The following MAP3K20 variants were observed in gnomAD, a reference collection of about 807,000 sequenced individuals.
MAP3K20 encodes the protein HCCS-4.
A neutral mutation model predicts 85.7 loss-of-function variants in MAP3K20; 40 were observed. The observed-to-expected ratio is 0.47, with a 90% CI of 0.36 to 0.61. The LOEUF is 0.61. Among genes scored for constraint, MAP3K20 ranks in the 20% least tolerant of loss-of-function variants. The pLI is 0.00. For synonymous variants in MAP3K20, 325 were observed against 327.7 expected, an observed-to-expected ratio of 0.99 and a Z score of 0.09; for missense variants, 817 against 961.7, an observed-to-expected ratio of 0.85 and a Z score of 1.99.
intron 2 of MAP3K20, among the ~76,000 whole-genome samples, chr2:173,128,579 G>A (rs1380208457): frequency 2.0e-5 from 3 of 151,880 alleles, no homozygotes; most frequent in Non-Finnish European, 4.4e-5. Flanking sequence ...TGATCCACTC[G>A]CCTCAGGCCC....
chr2:173,123,330 C>A (rs1433097480), intron 2 of MAP3K20, among the ~76,000 whole-genome samples: 3 of 152,186 alleles, frequency 2.0e-5, no homozygotes, highest in Admixed American at 2.0e-4. Context: ...ACCATGGGTA[C>A]CTACCCCCAC....
At chr2:173,161,534 G>A (rs1689657949) in intron 2 of MAP3K20, among the ~76,000 whole-genome samples, 1 of 152,076 alleles carries the variant, frequency 6.6e-6, no homozygotes, top group South Asian at 2.1e-4. Context: ...TTAAATGTTA[G>A]TGCTTCCTAT....
chr2:173,103,189 G>A (rs990415521), intron 2 of MAP3K20, among the ~76,000 whole-genome samples: 1 of 152,196 alleles, frequency 6.6e-6, no homozygotes, highest in Admixed American at 6.5e-5. Context: ...GTGAAAGCGA[G>A]GGACTTTTTC....
At position 173,266,399 on chromosome 2, in the gene MAP3K20, T is replaced by A; in HGVS notation, c.2052T>A (p.Gly684=). ...GAAGCAGGAACAAATATGGACGTGGTAGTATATCACTCAATTCTTCTCCTA... is the reference window on the plus strand; with the variant it reads ...GAAGCAGGAACAAATATGGACGTGGAAGTATATCACTCAATTCTTCTCCTA... ...SDRSRNKYGR[G]SISLNSSPRG... is the part of the protein sequence containing the mutation. The change falls in exon 20 of 20, where the codon GGT becomes GGA. Residue 684 remains glycine (G), a synonymous_variant. Coordinates refer to ENST00000375213, the MANE Select transcript of MAP3K20 (RefSeq NM_016653.3). The A allele has an allele frequency of 6.2e-7, 1 of 1,614,124 alleles. No homozygotes were observed. The highest frequency in any genetic ancestry group is 8.5e-7 in the Non-Finnish European group (1 of 1,180,000).
intron 8 of MAP3K20, among the ~76,000 whole-genome samples, chr2:173,202,002 C>A (rs2043950): frequency 0.76 from 114,899 of 152,128 alleles, 43,661 homozygotes; most frequent in East Asian, 0.87. Flanking sequence ...TGTTGAGACA[C>A]AGTTGTACTG....
intron 3 of MAP3K20, among the ~76,000 whole-genome samples, chr2:173,174,161 C>T (rs1690087468): frequency 6.6e-6 from 1 of 152,124 alleles, no homozygotes; most frequent in African/African-American, 2.4e-5. Flanking sequence ...ATAATATTGC[C>T]TTTCTTGCAA....
At position 173,182,159 on chromosome 2, in the gene MAP3K20, A is replaced by T. The variant is rs1690350275; in HGVS notation, c.248-695A>T. On this transcript the variant is annotated intron_variant, in intron 3 of 19. Coordinates refer to ENST00000375213, the MANE Select transcript of MAP3K20 (RefSeq NM_016653.3). ...GAACAATTTGTATGATTCTGTTTAT[A>T]TGAACTATCCAGAAAAGGCACACTG... 3.3e-5 allele frequency among the ~76,000 whole-genome samples: 5 copies of T among 152,180 alleles called. No individual in the cohort carries two copies. In the South Asian group the frequency reaches 1.0e-3, roughly 32 times the overall value.
chr2:173,259,161 T>C (rs1385785794), intron 17 of MAP3K20, among the ~76,000 whole-genome samples: 1 of 152,220 alleles, frequency 6.6e-6, no homozygotes, highest in African/African-American at 2.4e-5. Context: ...ATTTAAACTT[T>C]GGAAAACTTT....
chr2:173,170,360 A>T (rs1053178580), intron 3 of MAP3K20, among the ~76,000 whole-genome samples: 1 of 152,198 alleles, frequency 6.6e-6, no homozygotes, highest in South Asian at 2.1e-4. Context: ...TAAGTTGGTA[A>T]TGACCTTGAT....
Position 173,268,013 on chromosome 2 carries a change from T to G in MAP3K20, c.*1263T>G, listed in dbSNP as rs1685460113. On this transcript the variant is annotated 3_prime_UTR_variant, in exon 20 of 20. Coordinates refer to ENST00000375213, the MANE Select transcript of MAP3K20 (RefSeq NM_016653.3). ...TCAATAAATGTTACTTTCAATATTC[T>G]GAGATTCTGTTCAGCATTCACTAAC... 1 of 152,236 alleles carries G rather than the reference T, an allele frequency of 6.6e-6. No individual in the cohort carries two copies. Among genetic ancestry groups the G allele is most frequent in the South Asian group, 2.1e-4 (1 of 4,834 alleles). 9.4% of individuals were successfully genotyped at this position (152,236 alleles called of 1,614,324 possible). A position where few individuals can be genotyped will look rare whatever the true frequency, so the allele number is the denominator to read the frequency against.
At chr2:173,077,328 T>G (rs1378679576) in intron 1 of MAP3K20, among the ~76,000 whole-genome samples, 1 of 151,138 alleles carries the variant, frequency 6.6e-6, no homozygotes, top group East Asian at 1.9e-4. Flanking sequence ...TAATGTCCTC[T>G]TTGTAGTAGG....
intron 5 of MAP3K20, among the ~76,000 whole-genome samples, chr2:173,188,312 G>A (rs1690550427): frequency 6.6e-6 from 1 of 152,158 alleles, no homozygotes; most frequent in Admixed American, 6.5e-5. Flanking sequence ...TCACTTCAGA[G>A]TTATCTGAGA....
intron 10 of MAP3K20, chr2:173,215,926 A>G (rs567826960): frequency 3.9e-5 from 6 of 152,306 alleles, no homozygotes; most frequent in African/African-American, 1.2e-4. Context: ...CTCAATCATG[A>G]TTATGCCATC....
intron 1 of MAP3K20, among the ~76,000 whole-genome samples, chr2:173,088,273 C>CACTATTCCCCTACA (rs1687196578): frequency 6.6e-6 from 1 of 152,162 alleles, no homozygotes; most frequent in East Asian, 1.9e-4. Flanking sequence ...CATGGCACTG[C>CACTATTCCCCTACA]TGGGAATAAT....
intron 16 of MAP3K20, among the ~76,000 whole-genome samples, chr2:173,240,499 A>C (rs914489604): frequency 2.0e-5 from 3 of 152,194 alleles, no homozygotes; most frequent in African/African-American, 7.2e-5. Context: ...CTTTCTAATA[A>C]TCCAGTTAAA....
chr2:173,128,551 C>T (rs1234198651), intron 2 of MAP3K20, among the ~76,000 whole-genome samples: 1 of 152,014 alleles, frequency 6.6e-6, no homozygotes, highest in Non-Finnish European at 1.5e-5. Flanking sequence ...AGGCTGGTCT[C>T]AAACTTCTGA....
intron 2 of MAP3K20, among the ~76,000 whole-genome samples, chr2:173,104,468 A>G (rs531985760): frequency 2.0e-5 from 3 of 152,362 alleles, no homozygotes; most frequent in African/African-American, 7.2e-5. Flanking sequence ...AATGTGATGA[A>G]TATACACAGT....
At position 173,222,849 on chromosome 2, in the gene MAP3K20, T is replaced by C. The variant is rs1035563805; in HGVS notation, c.987+5599T>C. ...AGCCAAGGATATTCTCAGAATGTTA[T>C]CACCTGTTTGTCAAAGCTTGTTTAA... On this transcript the variant is annotated intron_variant, in intron 11 of 19. Coordinates refer to ENST00000375213, the MANE Select transcript of MAP3K20 (RefSeq NM_016653.3). 41 of 985,438 alleles carry C rather than the reference T, an allele frequency of 4.2e-5. 1 individual carries two copies. In the Middle Eastern group the frequency reaches 2.6e-3, roughly 63 times the overall value. 61.0% of individuals were successfully genotyped at this position (985,438 alleles called of 1,614,324 possible). A position where few individuals can be genotyped will look rare whatever the true frequency, so the allele number is the denominator to read the frequency against.
chr2:173,266,030 C>G lies in MAP3K20; in HGVS notation c.1703-20C>G. 1 of 1,545,388 alleles carries G rather than the reference C, an allele frequency of 6.5e-7. No homozygotes were observed. The highest frequency in any genetic ancestry group is 8.8e-7 in the Non-Finnish European group (1 of 1,141,692). The stretch of plus-strand genomic sequence containing the variant: ...GCTTTAGTGTGGCTTAAAAGATGCT[C>G]ATTTCCATTTCTCCCGCAGGTGCTG... On this transcript the variant is annotated intron_variant, in intron 19 of 19. Transcript: ENST00000375213.
Sources: allele counts gnomAD v4.1 joint callset (sites outside exome capture counted in the v4.1 genomes callset), GRCh38; gene constraint gnomAD v4.1.1; transcripts MANE v1.5; gene names NCBI Gene and HGNC (gene_info 2026-07-23, HGNC 2026-07-21).